ZMAT4: variants seen among roughly 807,000 people sequenced by gnomAD.
ZMAT4 encodes zinc finger matrin-type protein 4.
Under a neutral mutation model 28.7 loss-of-function variants are expected in ZMAT4, and 17 were observed. The ratio of observed to expected loss-of-function variants is 0.59; its 90% confidence interval spans 0.41 to 0.89. ZMAT4 has a LOEUF of 0.89. ZMAT4 is among the 40% of genes least tolerant of loss of function. The pLI is 0.00. For missense variants in ZMAT4, 240 were observed against 283.8 expected, an observed-to-expected ratio of 0.85 and a Z score of 1.11; for synonymous variants, 117 against 109.2, an observed-to-expected ratio of 1.07 and a Z score of -0.44.
intron 1 of ZMAT4, among the ~76,000 whole-genome samples, chr8:40,886,930 G>A (rs1384835121): frequency 2.6e-5 from 4 of 151,892 alleles, no homozygotes; most frequent in Admixed American, 2.6e-4. Context: ...CCAGCACTTT[G>A]GGAGGCCAAG....
intron 5 of ZMAT4, among the ~76,000 whole-genome samples, chr8:40,632,762 C>T (rs1355941842): frequency 4.6e-5 from 7 of 152,174 alleles, no homozygotes; most frequent in African/African-American, 7.2e-5. Context: ...TTTTAAGCTA[C>T]GCAGCTGTGG....
At chr8:40,747,422 A>G (rs1357242158) in intron 3 of ZMAT4, among the ~76,000 whole-genome samples, 1 of 152,164 alleles carries the variant, frequency 6.6e-6, no homozygotes, top group Non-Finnish European at 1.5e-5. Flanking sequence ...TTGAAAAGCC[A>G]TATAAACCCT....
At chr8:40,813,530 G>C (rs1473750164) in intron 2 of ZMAT4, among the ~76,000 whole-genome samples, 3 of 152,224 alleles carry the variant, frequency 2.0e-5, no homozygotes, top group African/African-American at 4.8e-5. Context: ...TGAATCCAAA[G>C]GAAGCATGAA....
chr8:40,647,007 T>A (rs1807351995), intron 5 of ZMAT4, among the ~76,000 whole-genome samples: 1 of 152,226 alleles, frequency 6.6e-6, no homozygotes, highest in African/African-American at 2.4e-5. Flanking sequence ...GTATATTCTT[T>A]AACCATAATG....
chr8:40,891,186 G>C (rs1458466499), intron 1 of ZMAT4, among the ~76,000 whole-genome samples: 2 of 44,642 alleles, frequency 4.5e-5, no homozygotes, highest in African/African-American at 7.4e-5. Context: ...CAACAGAGTG[G>C]GGAGAGGAGA....
intron 3 of ZMAT4, among the ~76,000 whole-genome samples, chr8:40,711,293 A>G (rs981614923): frequency 3.9e-5 from 6 of 152,188 alleles, no homozygotes; most frequent in Non-Finnish European, 8.8e-5. Flanking sequence ...TATTCCAATT[A>G]ATCAATGAAA....
intron 6 of ZMAT4, among the ~76,000 whole-genome samples, chr8:40,575,235 C>G (rs919497): frequency 0.1 from 15,609 of 152,178 alleles, 1,402 homozygotes; most frequent in East Asian, 0.53. Context: ...GCTGGAGAAA[C>G]AGCCTGTCAG....
At chr8:40,849,201 G>A (rs540125738) in intron 1 of ZMAT4, among the ~76,000 whole-genome samples, 1 of 152,210 alleles carries the variant, frequency 6.6e-6, no homozygotes, top group Non-Finnish European at 1.5e-5. Context: ...AATTGACAAA[G>A]CCTGTTAGCC....
chr8:40,880,570 A>G (rs1397014663), intron 1 of ZMAT4, among the ~76,000 whole-genome samples: 2 of 152,100 alleles, frequency 1.3e-5, no homozygotes, highest in Non-Finnish European at 2.9e-5. Context: ...CTTATTGGTG[A>G]TAAGTGCTTG....
intron 3 of ZMAT4, among the ~76,000 whole-genome samples, chr8:40,753,610 A>G (rs1340824452): frequency 6.6e-6 from 1 of 152,240 alleles, no homozygotes; most frequent in Non-Finnish European, 1.5e-5. Context: ...AATTCCCAGC[A>G]ATCAGCACAC....
At chr8:40,680,903 G>A (rs75594132) in intron 4 of ZMAT4, among the ~76,000 whole-genome samples, 3,447 of 152,022 alleles carry the variant, frequency 0.023, 57 homozygotes, top group South Asian at 0.038. Flanking sequence ...AGGGATGTGG[G>A]GGCTTTTGAT....
chr8:40,674,482 T>C, intron 5 of ZMAT4: 1 of 524,320 alleles, frequency 1.9e-6, no homozygotes. Flanking sequence ...TGAAAAGCAG[T>C]CAATAAAAAT....
chr8:40,554,459 G>C (rs912875720), intron 6 of ZMAT4, among the ~76,000 whole-genome samples: 1 of 152,036 alleles, frequency 6.6e-6, no homozygotes, highest in Non-Finnish European at 1.5e-5. Context: ...ATAAACTTCT[G>C]TCCTCACAGA....
At chr8:40,794,052 T>G (rs975703059) in intron 2 of ZMAT4, among the ~76,000 whole-genome samples, 1 of 152,234 alleles carries the variant, frequency 6.6e-6, no homozygotes, top group Non-Finnish European at 1.5e-5. Flanking sequence ...ATTAGTTCTT[T>G]GCCAGCTGCC....
chr8:40,683,333 A>G (rs1428923386), intron 4 of ZMAT4, among the ~76,000 whole-genome samples: 1 of 152,106 alleles, frequency 6.6e-6, no homozygotes, highest in Non-Finnish European at 1.5e-5. Context: ...TTCAAACACT[A>G]CTCAGTCAAG....
chr8:40,802,250 T>G (rs559344311), intron 2 of ZMAT4, among the ~76,000 whole-genome samples: 3 of 152,146 alleles, frequency 2.0e-5, no homozygotes, highest in African/African-American at 7.2e-5. Flanking sequence ...GAAAAGGAAA[T>G]AAAAGGTATA....
At chr8:40,685,780 A>C (rs1809377251) in intron 4 of ZMAT4, among the ~76,000 whole-genome samples, 1 of 152,196 alleles carries the variant, frequency 6.6e-6, no homozygotes, top group Non-Finnish European at 1.5e-5. Flanking sequence ...TGCATTTTGC[A>C]AGAGGCTTGA....
intron 5 of ZMAT4, among the ~76,000 whole-genome samples, chr8:40,620,061 G>T (rs2118687746): frequency 6.6e-6 from 1 of 152,324 alleles, no homozygotes; most frequent in South Asian, 2.1e-4. Flanking sequence ...TTTGCAGAGT[G>T]CTTGACATGA....
At chr8:40,760,706 G>GTTTCTCTCTC in intron 3 of ZMAT4, among the ~76,000 whole-genome samples, 1 of 142,524 alleles carries the variant, frequency 7.0e-6, no homozygotes, top group African/African-American at 2.6e-5. Context: ...CTCTGTCACA[G>GTTTCTCTCTC]TCTCTCTCTC....
Sources: allele counts gnomAD v4.1 joint callset (sites outside exome capture counted in the v4.1 genomes callset), GRCh38; gene constraint gnomAD v4.1.1; transcripts MANE v1.5; gene names NCBI Gene and HGNC (gene_info 2026-07-23, HGNC 2026-07-21).